ZZZ3: variants seen among roughly 807,000 people sequenced by gnomAD.
ZZZ3 encodes ZZ-type zinc finger-containing protein 3.
Under a neutral mutation model 95.2 loss-of-function variants are expected in ZZZ3, and 22 were observed. The ratio of observed to expected loss-of-function variants is 0.23; its 90% CI spans 0.17 to 0.33. ZZZ3 has a LOEUF of 0.33. ZZZ3 is among the 10% of genes least tolerant of loss of function. The pLI is 1.00. For synonymous variants in ZZZ3, 335 were observed against 358.9 expected (o/e 0.93, Z 0.75); for missense variants, 885 against 1,066.5 (o/e 0.83, Z 2.37).
chr1:77,673,672 C>G (rs916992821), intron 1 of ZZZ3, among the ~76,000 whole-genome samples: 5 of 152,192 alleles, frequency 3.3e-5, no homozygotes, highest in African/African-American at 1.2e-4. Flanking sequence ...AGTCTCTTAG[C>G]TGATTCCCAA....
chr1:77,592,104 G>A (rs1048520429), intron 5 of ZZZ3, among the ~76,000 whole-genome samples: 3 of 151,960 alleles, frequency 2.0e-5, no homozygotes, highest in African/African-American at 7.3e-5. Context: ...CATATTTACT[G>A]CCCCAAATTA....
intron 1 of ZZZ3, among the ~76,000 whole-genome samples, chr1:77,662,522 T>C (rs1462363006): frequency 6.6e-6 from 1 of 152,194 alleles, no homozygotes. Context: ...GAACATACCC[T>C]GTAGTGACTA....
intron 5 of ZZZ3, among the ~76,000 whole-genome samples, chr1:77,592,858 G>A (rs1427908207): frequency 6.6e-6 from 1 of 152,132 alleles, no homozygotes; most frequent in Non-Finnish European, 1.5e-5. Context: ...ATATACAGCT[G>A]GAGAAAATAT....
rs1170689015 is a variant in ZZZ3, at chr1:77,565,528, TGTGA to T, written c.*108_*111del. 1.1e-5 allele frequency: 13 copies of T among 1,179,210 alleles called. No homozygotes were observed. The highest frequency in any genetic ancestry group is 1.3e-5 in the Non-Finnish European group (11 of 824,518). 73.0% of individuals were successfully genotyped at this position (1,179,210 alleles called of 1,614,324 possible). ...GAGAACACTCAGGAAGCTCTCATGC[TGTGA>T]GTGTCATTTCTGGGAAAGCAGAGAA... On this transcript the variant is annotated 3_prime_UTR_variant, in exon 15 of 15. Coordinates refer to ENST00000370801, the MANE Select transcript of ZZZ3 (RefSeq NM_015534.6).
At chr1:77,574,856 T>C (rs1661767345) in intron 12 of ZZZ3, among the ~76,000 whole-genome samples, 1 of 152,154 alleles carries the variant, frequency 6.6e-6, no homozygotes, top group Non-Finnish European at 1.5e-5. Context: ...TTGGTCATCT[T>C]TGAAGGATAT....
chr1:77,680,327 A>G (rs562708353), intron 1 of ZZZ3, among the ~76,000 whole-genome samples: 120 of 152,360 alleles, frequency 7.9e-4, no homozygotes, highest in Non-Finnish European at 1.4e-3. Flanking sequence ...GAGCCTGACT[A>G]TTCTTGCACC....
At chr1:77,597,371 C>T (rs1239479600) in intron 5 of ZZZ3, among the ~76,000 whole-genome samples, 2 of 152,096 alleles carry the variant, frequency 1.3e-5, no homozygotes, top group African/African-American at 4.8e-5. Flanking sequence ...ATAACTTATG[C>T]AGACACTCTG....
intron 5 of ZZZ3, among the ~76,000 whole-genome samples, chr1:77,588,027 A>G (rs1035667010): frequency 6.6e-6 from 1 of 152,174 alleles, no homozygotes; most frequent in Admixed American, 6.5e-5. Context: ...GTGTTAATCA[A>G]CTGTTTATGT....
At chr1:77,589,048 T>C (rs1253800230) in intron 5 of ZZZ3, among the ~76,000 whole-genome samples, 2 of 152,176 alleles carry the variant, frequency 1.3e-5, no homozygotes, top group Non-Finnish European at 2.9e-5. Flanking sequence ...AGCTACTTTT[T>C]AAATTTTTTG....
intron 5 of ZZZ3, among the ~76,000 whole-genome samples, chr1:77,620,484 T>TGGAAGGAAGGAAGGAAGGAA (rs67469701): frequency 5.7e-4 from 77 of 135,830 alleles, no homozygotes; most frequent in Admixed American, 1.9e-3. Context: ...AACGAAAGAA[T>TGGAAGGAAGGAAGGAAGGAA]GGAAGGAAGG....
At chr1:77,633,863 A>G (rs1295154274) in intron 4 of ZZZ3, among the ~76,000 whole-genome samples, 1 of 152,148 alleles carries the variant, frequency 6.6e-6, no homozygotes, top group Non-Finnish European at 1.5e-5. Context: ...ATGTGATTTC[A>G]TTTTGGTCAT....
intron 5 of ZZZ3, among the ~76,000 whole-genome samples, chr1:77,602,987 T>G (rs1246525967): frequency 1.3e-5 from 2 of 151,924 alleles, no homozygotes; most frequent in African/African-American, 2.4e-5. Flanking sequence ...TAGTCAGACC[T>G]ATGACTCTGA....
At chr1:77,595,158 G>A (rs1428892559) in intron 5 of ZZZ3, among the ~76,000 whole-genome samples, 3 of 151,948 alleles carry the variant, frequency 2.0e-5, no homozygotes, top group African/African-American at 7.2e-5. Context: ...TACAATTTAG[G>A]GAAGAAGATG....
chr1:77,603,208 A>G (rs1344275866), intron 5 of ZZZ3, among the ~76,000 whole-genome samples: 1 of 152,056 alleles, frequency 6.6e-6, no homozygotes, highest in African/African-American at 2.4e-5. Flanking sequence ...CCTCCCAAGT[A>G]GCTGGGACTA....
chr1:77,574,122 A>C (rs946258032), intron 12 of ZZZ3, among the ~76,000 whole-genome samples: 2 of 148,366 alleles, frequency 1.3e-5, no homozygotes, highest in East Asian at 1.9e-4. Flanking sequence ...ATAGATATAT[A>C]TATAGATAGA....
At chr1:77,627,362 T>C (rs1177103363) in intron 5 of ZZZ3, among the ~76,000 whole-genome samples, 1 of 152,166 alleles carries the variant, frequency 6.6e-6, no homozygotes, top group African/African-American at 2.4e-5. Context: ...AAAATTATCT[T>C]ATTCAGGGTA....
Position 77,682,640 on chromosome 1 carries a change from G to A in ZZZ3, c.-458C>T, listed in dbSNP as rs1487151220. 6.6e-6 allele frequency: 1 copy of A among 152,258 alleles called. No homozygotes were observed. Among genetic ancestry groups the A allele is most frequent in the African/African-American group, 2.4e-5 (1 of 41,446 alleles). The allele number at this position is 152,258 out of a possible 1,614,324, so 9.4% of individuals were successfully genotyped here. A position where few individuals can be genotyped will look rare whatever the true frequency, so the allele number is the denominator to read the frequency against. On this transcript the variant is annotated 5_prime_UTR_variant, in exon 1 of 15. Transcript: ENST00000370801. ...CCGGAACCCAAGGCTCCGCCATCCA[G>A]GACAACTGCTCTGCCAACGAGGTCC... is the stretch of plus-strand genomic sequence containing the variant.
intron 4 of ZZZ3, among the ~76,000 whole-genome samples, chr1:77,634,353 TTAA>T (rs1175053629): frequency 6.6e-6 from 1 of 152,156 alleles, no homozygotes; most frequent in African/African-American, 2.4e-5. Flanking sequence ...ATCAAATCCC[TTAA>T]TAATAATCTG....
At chr1:77,615,299 A>G (rs1216745932) in intron 5 of ZZZ3, among the ~76,000 whole-genome samples, 1 of 152,274 alleles carries the variant, frequency 6.6e-6, no homozygotes, top group Non-Finnish European at 1.5e-5. Flanking sequence ...CAATATGTTT[A>G]GAAAAAGACA....
Sources: gnomAD v4.1 joint callset for allele counts (sites outside exome capture counted in the v4.1 genomes callset) on GRCh38, gnomAD v4.1.1 for gene constraint, MANE v1.5 for transcripts, NCBI Gene and HGNC (gene_info 2026-07-23, HGNC 2026-07-21) for gene names.